The following FUT8 variants were observed in gnomAD, a reference collection of about 807,000 sequenced individuals.
FUT8 encodes the protein alpha-(1,6)-fucosyltransferase.
Under a neutral mutation model 71.3 loss-of-function variants are expected in FUT8, and 29 were observed. The observed-to-expected ratio is 0.41, with a 90% CI of 0.30 to 0.55. FUT8 has a LOEUF of 0.55. Ranked by LOEUF, FUT8 falls within the 20% of genes least tolerant of loss-of-function variation. The pLI, the probability that FUT8 is intolerant of heterozygous loss-of-function variation, is 0.34. For synonymous variants in FUT8, 254 were observed against 239.3 expected, an observed-to-expected ratio of 1.06 and a Z score of -0.57; for missense variants, 544 against 702.1, an observed-to-expected ratio of 0.77 and a Z score of 2.55.
At chr14:65,583,700 C>T (rs1887213282) in intron 3 of FUT8, among the ~76,000 whole-genome samples, 1 of 150,064 alleles carries the variant, frequency 6.7e-6, no homozygotes, top group Non-Finnish European at 1.5e-5. Flanking sequence ...TCTATAGTAA[C>T]TTGGTTTTAG....
intron 7 of FUT8, among the ~76,000 whole-genome samples, chr14:65,704,590 T>G (rs1894469230): frequency 6.6e-6 from 1 of 152,194 alleles, no homozygotes; most frequent in Non-Finnish European, 1.5e-5. Context: ...CGTCTAGCCA[T>G]GGACTCATAG....
chr14:65,506,996 A>T (rs925859948), intron 2 of FUT8, among the ~76,000 whole-genome samples: 3 of 152,210 alleles, frequency 2.0e-5, no homozygotes, highest in African/African-American at 7.2e-5. Flanking sequence ...TTCTGTAAAC[A>T]GTTGTGACCA....
chr14:65,632,785 C>T (rs1298400556), intron 6 of FUT8, among the ~76,000 whole-genome samples: 1 of 152,118 alleles, frequency 6.6e-6, no homozygotes, highest in Non-Finnish European at 1.5e-5. Context: ...TTATGAAATC[C>T]TTGGCTATGC....
At chr14:65,699,903 A>G (rs1894197895) in intron 7 of FUT8, among the ~76,000 whole-genome samples, 1 of 152,168 alleles carries the variant, frequency 6.6e-6, no homozygotes, top group African/African-American at 2.4e-5. Context: ...TTCTTTATGA[A>G]TTATATATTC....
Position 65,413,028 on chromosome 14 carries a change from G to T in FUT8, c.-512G>T, listed in dbSNP as rs1177142275. The T allele has an allele frequency of 1.3e-5, 2 of 153,190 alleles. No homozygotes were observed. Among genetic ancestry groups the T allele is most frequent in the African/African-American group, 4.8e-5 (2 of 41,478 alleles). 9.5% of individuals were successfully genotyped at this position (153,190 alleles called of 1,614,324 possible). On this transcript the variant is annotated 5_prime_UTR_variant, in exon 1 of 11. Transcript: ENST00000673929. This position sits in a 1 kb window ranked among gnomAD's most constrained non-coding sequence, Gnocchi z 4.1. Reference sequence around the variant, plus strand: ...CTCGCGCTCTGCCTCAGTCAGTGGCGCCGAAGGCTCCGTTAAGCGGCGGCG... The same window carrying T: ...CTCGCGCTCTGCCTCAGTCAGTGGCTCCGAAGGCTCCGTTAAGCGGCGGCG...
upstream of FUT8, among the ~76,000 whole-genome samples, chr14:65,409,315 T>G (rs1156694646): frequency 2.6e-5 from 4 of 152,226 alleles, no homozygotes; most frequent in Non-Finnish European, 5.9e-5. The surrounding 1 kb of genome is among the most constrained non-coding windows in gnomAD (Gnocchi z 5.4). Context: ...TTGGTAGAGA[T>G]AGAAAAATTT....
intron 3 of FUT8, among the ~76,000 whole-genome samples, chr14:65,586,244 A>G (rs1887372794): frequency 1.3e-5 from 2 of 152,172 alleles, no homozygotes; most frequent in Admixed American, 1.3e-4. Flanking sequence ...AAGAGGGGGA[A>G]ATCAGGCTCT....
chr14:65,693,315 G>T (rs888179546), intron 7 of FUT8, among the ~76,000 whole-genome samples: 3 of 152,276 alleles, frequency 2.0e-5, no homozygotes, highest in Admixed American at 6.5e-5. Flanking sequence ...GACCAGCCCA[G>T]CCAACACAGC....
chr14:65,556,045 AT>A (rs1317748082), intron 2 of FUT8, among the ~76,000 whole-genome samples: 1 of 152,208 alleles, frequency 6.6e-6, no homozygotes, highest in African/African-American at 2.4e-5. Flanking sequence ...AGGGCTTTCT[AT>A]AACTTGCTAG....
chr14:65,387,336 T>G, the FUT8 span, among the ~76,000 whole-genome samples: 1 of 152,118 alleles, frequency 6.6e-6, no homozygotes, highest in Admixed American at 6.6e-5. Flanking sequence ...TATCGCCAAG[T>G]TTTTCCATTC....
intron 2 of FUT8, among the ~76,000 whole-genome samples, chr14:65,502,427 G>A (rs2066660179): frequency 6.6e-6 from 1 of 151,992 alleles, no homozygotes; most frequent in African/African-American, 2.4e-5. Context: ...GTTTCACCAT[G>A]TTGCCCAGGC....
intron 7 of FUT8, among the ~76,000 whole-genome samples, chr14:65,697,528 G>A (rs1041321498): frequency 6.6e-5 from 10 of 152,174 alleles, no homozygotes; most frequent in Admixed American, 3.3e-4. Flanking sequence ...TAGGCCATGC[G>A]TTGTTAAGGA....
At chr14:65,688,948 A>G (rs921861703) in intron 7 of FUT8, among the ~76,000 whole-genome samples, 3 of 152,132 alleles carry the variant, frequency 2.0e-5, no homozygotes, top group East Asian at 1.9e-4. Flanking sequence ...GAGACCACCA[A>G]TTCCATCATG....
intron 7 of FUT8, among the ~76,000 whole-genome samples, chr14:65,681,203 A>G (rs1893018172): frequency 6.6e-6 from 1 of 152,208 alleles, no homozygotes; most frequent in Admixed American, 6.5e-5. Flanking sequence ...CTACTGGCCA[A>G]TACTTGTTAC....
At chr14:65,546,825 C>T (rs775705554) in intron 2 of FUT8, among the ~76,000 whole-genome samples, 7 of 151,600 alleles carry the variant, frequency 4.6e-5, no homozygotes, top group Non-Finnish European at 8.9e-5. Flanking sequence ...TGGTAGAATT[C>T]GCACATAAAG....
chr14:65,724,922 G>A (rs1255242994), intron 9 of FUT8, among the ~76,000 whole-genome samples: 4 of 152,178 alleles, frequency 2.6e-5, no homozygotes, highest in Non-Finnish European at 5.9e-5. Context: ...TTTCTCAGTG[G>A]TCCTATTTCC....
At chr14:65,738,486 T>C (rs1428059542) in intron 10 of FUT8, among the ~76,000 whole-genome samples, 1 of 152,062 alleles carries the variant, frequency 6.6e-6, no homozygotes, top group African/African-American at 2.4e-5. Context: ...TACCCATTAC[T>C]GTGTGCTTTA....
intron 6 of FUT8, among the ~76,000 whole-genome samples, chr14:65,645,605 G>T (rs1251060823): frequency 6.6e-6 from 1 of 152,148 alleles, no homozygotes; most frequent in East Asian, 1.9e-4. Flanking sequence ...GTGCCGTTTA[G>T]ACAGGATTTC....
intron 2 of FUT8, among the ~76,000 whole-genome samples, chr14:65,465,138 C>T (rs1054069133): frequency 6.6e-5 from 10 of 152,034 alleles, no homozygotes; most frequent in African/African-American, 2.4e-4. Flanking sequence ...TGTTGATTTT[C>T]TTTGTTTTCC....
Sources: allele counts gnomAD v4.1 joint callset (sites outside exome capture counted in the v4.1 genomes callset), GRCh38; gene constraint gnomAD v4.1.1; non-coding constraint Gnocchi (gnomAD v3.1); transcripts MANE v1.5; gene names NCBI Gene and HGNC (gene_info 2026-07-23, HGNC 2026-07-21).